The following RCBTB2 variants were observed in gnomAD, a reference collection of about 807,000 sequenced individuals.
RCBTB2 encodes the protein RCC1 and BTB domain containing protein 2.
In RCBTB2, 55 loss-of-function variants were observed where a neutral mutation model predicts 65.4. The ratio of observed to expected loss-of-function variants is 0.84; its 90% CI spans 0.68 to 1.05. The LOEUF (loss-of-function observed/expected upper bound fraction) is 1.05. Among genes scored for constraint, RCBTB2 ranks in the 50% least tolerant of loss-of-function variants. The pLI is 0.00. For synonymous variants in RCBTB2, 220 were observed against 255.2 expected (o/e 0.86, Z 1.31); for missense variants, 599 against 680.1 (o/e 0.88, Z 1.33).
chr13:48,496,757 G>A (rs964453949), intron 13 of RCBTB2, among the ~76,000 whole-genome samples: 4 of 141,812 alleles, frequency 2.8e-5, no homozygotes, highest in Non-Finnish European at 4.6e-5. Context: ...GAGGACAGGA[G>A]AGGGAGGGGA....
intron 14 of RCBTB2, 70 bp from the exon 15 acceptor site, chr13:48,490,321 C>T (rs781469674): frequency 3.3e-5 from 46 of 1,399,888 alleles, no homozygotes; most frequent in Non-Finnish European, 4.3e-5. Context: ...GCATGAAAAT[C>T]GCTAAAACAA....
At position 48,511,872 on chromosome 13, in the gene RCBTB2, A is replaced by G. The variant is rs1435001132; in HGVS notation, c.681T>C (p.Tyr227=). 1 of 1,614,100 alleles carries G rather than the reference A, an allele frequency of 6.2e-7. No individual in the cohort carries two copies. The highest frequency in any genetic ancestry group is 8.5e-7 in the Non-Finnish European group (1 of 1,180,020). ...GCCCGTTTCCGTTGTAACCCCAGAC[A>G]TAGACCTGAGAGAAAATGAGACCCT... ...CMAVVDTGEV[Y]VWGYNGNGQL... Residue 227 remains tyrosine (Y), a synonymous_variant, in exon 9 of 15, where the codon TAT becomes TAC. Transcript: ENST00000344532.
chr13:48,530,803 T>C (rs1952071872), intron 1 of RCBTB2, among the ~76,000 whole-genome samples: 2 of 152,246 alleles, frequency 1.3e-5, no homozygotes, highest in Admixed American at 1.3e-4. Flanking sequence ...TCCTGAATAA[T>C]TTGAACTCTT....
intron 14 of RCBTB2, among the ~76,000 whole-genome samples, chr13:48,494,561 G>C (rs1949889288): frequency 6.6e-6 from 1 of 152,158 alleles, no homozygotes; most frequent in South Asian, 2.1e-4. Flanking sequence ...GCCTCAAAGA[G>C]CTTACTTTCT....
At chr13:48,495,752 G>T (rs1949938827) in intron 14 of RCBTB2, among the ~76,000 whole-genome samples, 1 of 152,162 alleles carries the variant, frequency 6.6e-6, no homozygotes, top group Admixed American at 6.5e-5. Context: ...GCTTTGACAG[G>T]TGAAAAGTTA....
chr13:48,499,501 A>G, intron 13 of RCBTB2, 120 bp downstream of exon 13: 3 of 1,036,964 alleles, frequency 2.9e-6, no homozygotes, highest in Non-Finnish European at 2.8e-6. Flanking sequence ...TGGATTCAAC[A>G]CACACAAAAA....
chr13:48,491,386 C>T (rs2138387355), intron 14 of RCBTB2, among the ~76,000 whole-genome samples: 1 of 152,226 alleles, frequency 6.6e-6, no homozygotes, highest in African/African-American at 2.4e-5. Flanking sequence ...GGTACCACAC[C>T]AGCAATATGA....
intron 1 of RCBTB2, among the ~76,000 whole-genome samples, chr13:48,527,361 T>TTATATATAATATATA (rs1212014452): frequency 1.8e-5 from 2 of 112,444 alleles, no homozygotes; most frequent in Non-Finnish European, 3.3e-5. Context: ...TGATATATAT[T>TTATATATAATATATA]TATATATGAT....
intron 14 of RCBTB2, among the ~76,000 whole-genome samples, chr13:48,493,933 A>G (rs1399345484): frequency 6.6e-6 from 1 of 152,134 alleles, no homozygotes; most frequent in African/African-American, 2.4e-5. Context: ...TGTAGCAGGC[A>G]CTCAGTGAAT....
At position 48,513,825 on chromosome 13, in the gene RCBTB2, A is replaced by G. The variant is rs551869709; in HGVS notation, c.350-930T>C. 3.3e-5 allele frequency among the ~76,000 whole-genome samples: 5 copies of G among 152,312 alleles called. No homozygotes were observed. The East Asian group carries it at 9.6e-4, about 29-fold the overall frequency. On this transcript the variant is annotated intron_variant, in intron 6 of 14. Transcript: ENST00000344532. ...CTGTTGTTTCTTCTGGTTCCCATTCATGGTACCTTGTTTCCTTGCATAGCA... is the reference window on the plus strand; with the variant it reads ...CTGTTGTTTCTTCTGGTTCCCATTCGTGGTACCTTGTTTCCTTGCATAGCA...
At chr13:48,518,466 A>T (rs1440092423) in intron 4 of RCBTB2, among the ~76,000 whole-genome samples, 1 of 134,824 alleles carries the variant, frequency 7.4e-6, no homozygotes, top group African/African-American at 3.2e-5. Flanking sequence ...TGCAAAAAAA[A>T]AAAAAAATAT....
At chr13:48,516,874 A>G (rs1313953767) in intron 4 of RCBTB2, among the ~76,000 whole-genome samples, 3 of 152,268 alleles carry the variant, frequency 2.0e-5, no homozygotes. Context: ...GGTTATAATA[A>G]GATACATAAA....
chr13:48,533,348 G>GT (rs1566353624), upstream of RCBTB2: 1 of 296,084 alleles, frequency 3.4e-6, no homozygotes, highest in African/African-American at 2.3e-5. Flanking sequence ...GAGTTCCTCC[G>GT]TGGGTCACCC....
intron 4 of RCBTB2, among the ~76,000 whole-genome samples, chr13:48,516,424 T>C (rs1951091801): frequency 6.6e-6 from 1 of 152,188 alleles, no homozygotes; most frequent in African/African-American, 2.4e-5. Context: ...AAACTCAAGG[T>C]ATCAGCTAGC....
At chr13:48,517,232 G>A (rs940764541) in intron 4 of RCBTB2, among the ~76,000 whole-genome samples, 1 of 152,178 alleles carries the variant, frequency 6.6e-6, no homozygotes, top group Non-Finnish European at 1.5e-5. Context: ...GACAGAGACC[G>A]AGTCTTTCAC....
intron 1 of RCBTB2, among the ~76,000 whole-genome samples, chr13:48,528,583 C>T (rs756395731): frequency 6.6e-6 from 1 of 152,068 alleles, no homozygotes; most frequent in African/African-American, 2.4e-5. Context: ...ACATAAATTT[C>T]AATAGGATAA....
intron 13 of RCBTB2, among the ~76,000 whole-genome samples, chr13:48,497,068 C>T (rs960233765): frequency 3.3e-5 from 5 of 152,188 alleles, no homozygotes; most frequent in Admixed American, 1.3e-4. Context: ...GTCACAGTGG[C>T]TTTGAGGGTG....
Position 48,489,949 on chromosome 13 carries a change from G to T in RCBTB2, c.*162C>A, listed in dbSNP as rs1295977669. On this transcript the variant is annotated 3_prime_UTR_variant, in exon 15 of 15. Coordinates refer to ENST00000344532, the MANE Select transcript of RCBTB2 (RefSeq NM_001268.4). ...TCAATGCTTTCTACATAAACTCTGG[G>T]TTTAGGCAGACAAAGACCACTCACC... 2.7e-6 allele frequency: 2 copies of T among 746,832 alleles called. No individual in the cohort carries two copies. Among genetic ancestry groups the T allele is most frequent in the African/African-American group, 3.6e-5 (2 of 55,978 alleles). The allele number at this position is 746,832 out of a possible 1,614,324, so 46.3% of individuals were successfully genotyped here. A position where few individuals can be genotyped will look rare whatever the true frequency, so the allele number is the denominator to read the frequency against.
At chr13:48,512,691 T>C in intron 7 of RCBTB2, 38 bp downstream of exon 7, 1 of 1,571,008 alleles carries the variant, frequency 6.4e-7, no homozygotes, top group Non-Finnish European at 8.7e-7. Context: ...ATAATCTTAT[T>C]GAAAAAAATC....
Sources: gnomAD v4.1 joint callset for allele counts (sites outside exome capture counted in the v4.1 genomes callset) on GRCh38, gnomAD v4.1.1 for gene constraint, MANE v1.5 for transcripts, NCBI Gene and HGNC (gene_info 2026-07-23, HGNC 2026-07-21) for gene names.